FAM171A1: variants seen among roughly 807,000 people sequenced by gnomAD.
The protein encoded by FAM171A1 is protein FAM171A1.
In FAM171A1, 23 loss-of-function variants were observed where a neutral mutation model predicts 74.9. That is an observed-to-expected ratio of 0.31 (90% CI 0.22 to 0.44). FAM171A1 has a LOEUF of 0.44. Ranked by LOEUF, FAM171A1 falls within the 20% of genes least tolerant of loss-of-function variation. The probability of loss-of-function intolerance (pLI) is 1.00; values close to 1 mark genes in which losing one functional copy is unlikely to be tolerated. For missense variants in FAM171A1, 1,162 were observed against 1,159.2 expected (o/e 1.00, Z -0.03); for synonymous variants, 527 against 505.7 (o/e 1.04, Z -0.57).
At chr10:15,233,645 T>C (rs890566851) in intron 5 of FAM171A1, among the ~76,000 whole-genome samples, 2 of 152,030 alleles carry the variant, frequency 1.3e-5, no homozygotes, top group African/African-American at 4.8e-5. Context: ...GGCTCACGCC[T>C]GTAATCCCAG....
intron 1 of FAM171A1, among the ~76,000 whole-genome samples, chr10:15,370,422 G>A (rs1836125762): frequency 6.7e-6 from 1 of 149,482 alleles, no homozygotes; most frequent in African/African-American, 2.5e-5. Context: ...GGCTAGTGGC[G>A]GCAGCGGACC....
chr10:15,302,469 A>C (rs181439924), intron 1 of FAM171A1, among the ~76,000 whole-genome samples: 8 of 151,918 alleles, frequency 5.3e-5, no homozygotes, highest in African/African-American at 7.2e-5. Flanking sequence ...CCATCTCAAA[A>C]AAAACAAAAC....
chr10:15,360,779 G>T (rs1015492098), intron 1 of FAM171A1, among the ~76,000 whole-genome samples: 23 of 152,230 alleles, frequency 1.5e-4, no homozygotes, highest in African/African-American at 5.5e-4. Flanking sequence ...TCATGATACA[G>T]TAAGATTATG....
chr10:15,281,053 G>A (rs1834962166), intron 2 of FAM171A1, among the ~76,000 whole-genome samples: 1 of 152,142 alleles, frequency 6.6e-6, no homozygotes, highest in Non-Finnish European at 1.5e-5. Context: ...CCATCTCCTG[G>A]TGCTATTCTT....
intron 1 of FAM171A1, among the ~76,000 whole-genome samples, chr10:15,305,654 G>T (rs1409135649): frequency 9.9e-6 from 1 of 100,950 alleles, no homozygotes; most frequent in Non-Finnish European, 1.8e-5. Context: ...GTGACAGAGT[G>T]AGATCTGGCT....
intron 3 of FAM171A1, among the ~76,000 whole-genome samples, chr10:15,272,821 A>T (rs1834844017): frequency 6.6e-6 from 1 of 152,252 alleles, no homozygotes; most frequent in Non-Finnish European, 1.5e-5. Flanking sequence ...GAAGGCAGAA[A>T]TAAAGATTTC....
chr10:15,318,087 C>A (rs1363141380), intron 1 of FAM171A1, among the ~76,000 whole-genome samples: 1 of 152,216 alleles, frequency 6.6e-6, no homozygotes, highest in African/African-American at 2.4e-5. Context: ...ACCCATAGCA[C>A]CTGGCCTCAC....
chr10:15,347,999 A>G (rs1413064847), intron 1 of FAM171A1, among the ~76,000 whole-genome samples: 1 of 152,028 alleles, frequency 6.6e-6, no homozygotes, highest in Non-Finnish European at 1.5e-5. Context: ...TTCTTTTGAG[A>G]CGGGGTCTTG....
intron 3 of FAM171A1, among the ~76,000 whole-genome samples, chr10:15,267,931 C>T (rs574632561): frequency 2.0e-5 from 3 of 152,304 alleles, no homozygotes; most frequent in South Asian, 4.1e-4. Context: ...CCACACATTG[C>T]CTCCTTCAGC....
intron 1 of FAM171A1, among the ~76,000 whole-genome samples, chr10:15,333,719 C>T (rs1835668532): frequency 6.6e-6 from 1 of 151,626 alleles, no homozygotes. Context: ...GTCATCAGTC[C>T]CAGCTACTCA....
chr10:15,270,950 A>G (rs1005978201), intron 3 of FAM171A1, among the ~76,000 whole-genome samples: 4 of 152,248 alleles, frequency 2.6e-5, no homozygotes, highest in Admixed American at 2.6e-4. Flanking sequence ...AAAGCTGAAA[A>G]TTCTAAAAAT....
At chr10:15,293,791 G>A (rs1181193473) in intron 1 of FAM171A1, among the ~76,000 whole-genome samples, 2 of 152,324 alleles carry the variant, frequency 1.3e-5, no homozygotes, top group East Asian at 3.9e-4. Flanking sequence ...GAGGAATAAT[G>A]CTTCTTGGAA....
chr10:15,315,983 T>G (rs1342289773), intron 1 of FAM171A1, among the ~76,000 whole-genome samples: 2 of 152,168 alleles, frequency 1.3e-5, no homozygotes, highest in African/African-American at 4.8e-5. Context: ...CCCAGGTGTG[T>G]TTTTTTCTGC....
intron 1 of FAM171A1, among the ~76,000 whole-genome samples, chr10:15,301,862 T>G (rs1267374281): frequency 6.6e-6 from 1 of 152,098 alleles, no homozygotes; most frequent in Non-Finnish European, 1.5e-5. Flanking sequence ...ATCTTAGACC[T>G]TTTTCATAGT....
rs1238488787 is a variant in FAM171A1 at position 15,354,069 on chromosome 10, C to A, written c.97+16887G>T. Reference sequence around the variant, plus strand: ...TCCAAAGTCCCTTCTGGGACATGGACAGCCCAGGTGTGTGCCTGCTGAGCT... The same window carrying A: ...TCCAAAGTCCCTTCTGGGACATGGAAAGCCCAGGTGTGTGCCTGCTGAGCT... On this transcript the variant is annotated intron_variant, in intron 1 of 7. Coordinates refer to ENST00000378116, the MANE Select transcript of FAM171A1 (RefSeq NM_001010924.2). Among the ~76,000 whole-genome samples, 3 of 152,212 alleles carry A rather than the reference C, an allele frequency of 2.0e-5. No individual in the cohort carries two copies. The East Asian group carries it at 5.8e-4, about 29-fold the overall frequency.
intron 1 of FAM171A1, among the ~76,000 whole-genome samples, chr10:15,307,896 T>C (rs892457735): frequency 6.6e-6 from 1 of 151,786 alleles, no homozygotes; most frequent in Non-Finnish European, 1.5e-5. Context: ...CTCGAATCCT[T>C]GGGCTCAAGC....
chr10:15,334,094 G>A (rs946230785), intron 1 of FAM171A1, among the ~76,000 whole-genome samples: 1 of 152,124 alleles, frequency 6.6e-6, no homozygotes, highest in African/African-American at 2.4e-5. Flanking sequence ...ACATGGACAT[G>A]CAAATGAACT....
intron 1 of FAM171A1, among the ~76,000 whole-genome samples, chr10:15,370,213 CGACAAACT>C: frequency 6.7e-6 from 1 of 148,574 alleles, no homozygotes; most frequent in East Asian, 2.0e-4. Context: ...CACGAGCTGG[CGACAAACT>C]GATCTGGAAA....
chr10:15,230,541 T>C (rs924006570), intron 5 of FAM171A1, among the ~76,000 whole-genome samples: 1 of 152,228 alleles, frequency 6.6e-6, no homozygotes, highest in Non-Finnish European at 1.5e-5. Context: ...CATGAATGTG[T>C]TGAATATTAG....
Sources: allele counts gnomAD v4.1 joint callset (sites outside exome capture counted in the v4.1 genomes callset), GRCh38; gene constraint gnomAD v4.1.1; transcripts MANE v1.5; gene names NCBI Gene and HGNC (gene_info 2026-07-23, HGNC 2026-07-21).